NDFIP1: variants seen among roughly 807,000 people sequenced by gnomAD.
The protein encoded by NDFIP1 is Nedd4 family interacting protein 1, also known as NEDD4 family-interacting protein 1.
Under a neutral mutation model 28.8 loss-of-function variants are expected in NDFIP1, and 7 were observed. The observed-to-expected ratio is 0.24, with a 90% CI of 0.14 to 0.46. NDFIP1 has a LOEUF of 0.46. Ranked by LOEUF, NDFIP1 falls within the 20% of genes least tolerant of loss-of-function variation. The probability of loss-of-function intolerance (pLI) is 0.99; values close to 1 mark genes in which losing one functional copy is unlikely to be tolerated. For synonymous variants in NDFIP1, 92 were observed against 101.0 expected (o/e 0.91, Z 0.53); for missense variants, 194 against 269.1 (o/e 0.72, Z 1.95).
In NDFIP1 at chr5:142,109,040, A is replaced by G. The variant is rs1756983066; in HGVS notation, c.63+3A>G. 4.2e-6 allele frequency: 6 copies of G among 1,421,282 alleles called. No individual in the cohort carries two copies. The highest frequency in any genetic ancestry group is 5.5e-6 in the Non-Finnish European group (6 of 1,087,734). The allele number at this position is 1,421,282 out of a possible 1,614,324, so 88.0% of individuals were successfully genotyped here. On this transcript the variant is annotated splice_donor_region_variant and intron_variant, in intron 1 of 7. Coordinates refer to ENST00000253814, the MANE Select transcript of NDFIP1 (RefSeq NM_030571.4). Reference sequence around the variant, plus strand: ...CCTGCGGCAGCCGGTACCAGCAGGTAAGCGGCGCCCGACTCCAGCCCCGAA... The same window carrying G: ...CCTGCGGCAGCCGGTACCAGCAGGTGAGCGGCGCCCGACTCCAGCCCCGAA...
rs1208303315 is a variant in NDFIP1 at position 142,153,365 on chromosome 5, A to G, written c.*1637A>G. On this transcript the variant is annotated 3_prime_UTR_variant, in exon 8 of 8. Coordinates refer to ENST00000253814, the MANE Select transcript of NDFIP1 (RefSeq NM_030571.4). ...CACAGTCTGATAGCTGCAAATGTCCATTCATCTGCTGTGTATGTATATCCA... is the reference window on the plus strand; with the variant it reads ...CACAGTCTGATAGCTGCAAATGTCCGTTCATCTGCTGTGTATGTATATCCA... 1 of 456,810 alleles carries G rather than the reference A, an allele frequency of 2.2e-6. No individual in the cohort carries two copies. Among genetic ancestry groups the G allele is most frequent in the African/African-American group, 2.0e-5 (1 of 50,200 alleles). The allele number at this position is 456,810 out of a possible 1,614,324, so 28.3% of individuals were successfully genotyped here.
At chr5:142,112,798 A>G (rs1757028445) in intron 1 of NDFIP1, among the ~76,000 whole-genome samples, 1 of 151,310 alleles carries the variant, frequency 6.6e-6, no homozygotes, top group South Asian at 2.1e-4. Flanking sequence ...AAAAAAAAAA[A>G]GAGGCTAGGC....
chr5:142,131,922 G>A (rs1414145703), intron 2 of NDFIP1, 27 bp downstream of exon 2: 2 of 1,541,066 alleles, frequency 1.3e-6, no homozygotes, highest in Admixed American at 2.3e-5. Flanking sequence ...GGTGATCACG[G>A]AATCCTTAAA....
intron 1 of NDFIP1, among the ~76,000 whole-genome samples, chr5:142,124,420 C>A (rs918057595): frequency 2.0e-5 from 3 of 152,120 alleles, no homozygotes; most frequent in Non-Finnish European, 4.4e-5. Context: ...AATTGATGAT[C>A]ATAGGTCACA....
Position 142,140,644 on chromosome 5 carries a change from T to C in NDFIP1, c.562+15T>C. ...CCTTGTTTTAGGTAAGTGTTTTTAA[T>C]GTAAGAAAAGGCAAGAAAACATTAC... On this transcript the variant is annotated intron_variant, in intron 6 of 7. Transcript: ENST00000253814. 1.2e-6 allele frequency: 2 copies of C among 1,600,700 alleles called. No homozygotes were observed. The highest frequency in any genetic ancestry group is 3.4e-5 in the Admixed American group (2 of 58,028).
intron 1 of NDFIP1, among the ~76,000 whole-genome samples, chr5:142,127,484 A>G (rs988934622): frequency 3.3e-5 from 5 of 152,150 alleles, no homozygotes; most frequent in African/African-American, 1.2e-4. Context: ...AATCAGGAAA[A>G]GAGTAATGGC....
chr5:142,135,748 C>A lies in NDFIP1; in HGVS notation c.301C>A (p.Arg101=). The part of the protein sequence containing the change: ...VPGRDEDFVG[R]DDFDDADQLR... The stretch of plus-strand genomic sequence containing the variant: ...CATTTAGGATGAGGATTTTGTGGGT[C>A]GGGATGATTTTGATGATGCTGACCA... The change falls in exon 4 of 8, where the codon CGG becomes AGG. Residue 101 remains arginine (R), a synonymous_variant. Transcript: ENST00000253814. 6.2e-7 allele frequency: 1 copy of A among 1,613,188 alleles called. No individual in the cohort carries two copies. Among genetic ancestry groups the A allele is most frequent in the East Asian group, 2.2e-5 (1 of 44,796 alleles).
Position 142,151,956 on chromosome 5 carries a change from G to C in NDFIP1, c.*228G>C, listed in dbSNP as rs1407321954. ...ATTGAATCATTAGTGGTTAATGTTT[G>C]AAAAAGCTCTTGCAATCAAGTCTGT... On this transcript the variant is annotated 3_prime_UTR_variant, in exon 8 of 8. Coordinates refer to ENST00000253814, the MANE Select transcript of NDFIP1 (RefSeq NM_030571.4). The C allele has an allele frequency of 6.5e-6, 1 of 152,714 alleles. No homozygotes were observed. The highest frequency in any genetic ancestry group is 1.9e-4 in the East Asian group (1 of 5,332). The allele number at this position is 152,714 out of a possible 1,614,324, so 9.5% of individuals were successfully genotyped here. A position where few individuals can be genotyped will look rare whatever the true frequency, so the allele number is the denominator to read the frequency against.
At chr5:142,123,416 G>A (rs930860105) in intron 1 of NDFIP1, among the ~76,000 whole-genome samples, 3 of 152,190 alleles carry the variant, frequency 2.0e-5, no homozygotes, top group Admixed American at 1.3e-4. Flanking sequence ...TTACAGGTGA[G>A]ATCCACCATG....
chr5:142,108,946 C>A lies in NDFIP1; in HGVS notation c.-29C>A. 2 of 1,428,374 alleles carry A rather than the reference C, an allele frequency of 1.4e-6. No homozygotes were observed. Among genetic ancestry groups the A allele is most frequent in the African/African-American group, 1.5e-5 (1 of 67,240 alleles). The allele number at this position is 1,428,374 out of a possible 1,614,324, so 88.5% of individuals were successfully genotyped here. A position where few individuals can be genotyped will look rare whatever the true frequency, so the allele number is the denominator to read the frequency against. The stretch of plus-strand genomic sequence containing the variant: ...CGCCCCTTCAGCTAGCTCGCTCGCT[C>A]GCTCTGCTTCCCTGCTGCCGGCTGC... On this transcript the variant is annotated 5_prime_UTR_variant, in exon 1 of 8. Coordinates refer to ENST00000253814, the MANE Select transcript of NDFIP1 (RefSeq NM_030571.4).
rs1202015245 is a variant in NDFIP1 at position 142,108,840 on chromosome 5, C to T, written c.-135C>T. On this transcript the variant is annotated 5_prime_UTR_variant, in exon 1 of 8. Coordinates refer to ENST00000253814, the MANE Select transcript of NDFIP1 (RefSeq NM_030571.4). ...CTTACAGCCTGAGAAGAGCGTCTCG[C>T]CCGGGAGCGGCGGCGGCCATCGAGA... The T allele has an allele frequency of 3.0e-6, 2 of 669,604 alleles. No homozygotes were observed. Among genetic ancestry groups the T allele is most frequent in the African/African-American group, 3.8e-5 (2 of 52,416 alleles). The allele number at this position is 669,604 out of a possible 1,614,324, so 41.5% of individuals were successfully genotyped here.
intron 1 of NDFIP1, among the ~76,000 whole-genome samples, chr5:142,121,405 A>C (rs1317427216): frequency 2.6e-5 from 4 of 152,202 alleles, no homozygotes; most frequent in Non-Finnish European, 4.4e-5. Flanking sequence ...TTTATTGTGA[A>C]ATTATGGATA....
chr5:142,124,304 A>T (rs1324280401), intron 1 of NDFIP1, among the ~76,000 whole-genome samples: 1 of 152,056 alleles, frequency 6.6e-6, no homozygotes, highest in African/African-American at 2.4e-5. Flanking sequence ...GCCTTCGGGG[A>T]TGAGGGTTGA....
chr5:142,119,752 T>C (rs1044173859), intron 1 of NDFIP1, among the ~76,000 whole-genome samples: 2 of 152,208 alleles, frequency 1.3e-5, no homozygotes, highest in African/African-American at 4.8e-5. Flanking sequence ...AATTTTAAAC[T>C]TAGAGAAGGT....
chr5:142,133,725 A>G (rs1757247763), intron 3 of NDFIP1, among the ~76,000 whole-genome samples: 1 of 152,248 alleles, frequency 6.6e-6, no homozygotes, highest in Non-Finnish European at 1.5e-5. Context: ...GACATGTATA[A>G]AGCACTTTTT....
chr5:142,108,966 G>A lies in NDFIP1; in HGVS notation c.-9G>A. The A allele has an allele frequency of 6.9e-7, 1 of 1,441,438 alleles. No individual in the cohort carries two copies. The allele number at this position is 1,441,438 out of a possible 1,614,324, so 89.3% of individuals were successfully genotyped here. A position where few individuals can be genotyped will look rare whatever the true frequency, so the allele number is the denominator to read the frequency against. On this transcript the variant is annotated 5_prime_UTR_variant, in exon 1 of 8. Coordinates refer to ENST00000253814, the MANE Select transcript of NDFIP1 (RefSeq NM_030571.4). ...TCGCTCGCTCTGCTTCCCTGCTGCC[G>A]GCTGCGCCATGGCGTTGGCGTTGGC...
chr5:142,114,166 C>G (rs779872988), intron 1 of NDFIP1, among the ~76,000 whole-genome samples: 2 of 152,282 alleles, frequency 1.3e-5, no homozygotes, highest in East Asian at 3.9e-4. Context: ...TTTATTTTCC[C>G]ACCAACAATG....
intron 6 of NDFIP1, among the ~76,000 whole-genome samples, chr5:142,142,357 G>T (rs1165470454): frequency 6.6e-6 from 1 of 152,014 alleles, no homozygotes; most frequent in Non-Finnish European, 1.5e-5. Context: ...TAATAAAAAT[G>T]ACCAACAGGA....
intron 7 of NDFIP1, among the ~76,000 whole-genome samples, chr5:142,146,043 T>C (rs370485606): frequency 6.6e-6 from 1 of 152,294 alleles, no homozygotes; most frequent in Non-Finnish European, 1.5e-5. Context: ...GAGACCCTCT[T>C]GAATATAACA....
Sources: allele counts gnomAD v4.1 joint callset (sites outside exome capture counted in the v4.1 genomes callset), GRCh38; gene constraint gnomAD v4.1.1; transcripts MANE v1.5; gene names NCBI Gene and HGNC (gene_info 2026-07-23, HGNC 2026-07-21).